The following SPATA13 variants were observed in gnomAD, a reference collection of about 807,000 sequenced individuals.
The protein encoded by SPATA13 is spermatogenesis associated 13.
In SPATA13, 50 loss-of-function variants were observed where a neutral mutation model predicts 104.0. The ratio of observed to expected loss-of-function variants is 0.48; its 90% CI spans 0.38 to 0.61. SPATA13 has a LOEUF of 0.61. Ranked by LOEUF, SPATA13 falls within the 20% of genes least tolerant of loss-of-function variation. SPATA13 has a pLI of 0.00. For synonymous variants in SPATA13, 606 were observed against 667.5 expected (o/e 0.91, Z 1.42); for missense variants, 1,524 against 1,690.6 (o/e 0.90, Z 1.73).
In SPATA13 at chr13:24,223,153, T is replaced by C. The variant is rs1054700526; in HGVS notation, c.224T>C (p.Leu75Pro). ...CTCAGCCCAGCCAAGCTTGTGCGCC[T>C]CTTTTCCACCAGTCGGAAGAGGACG... ...AKLSPAKLVR[L>P]FSTSRKRTGA... The change falls in exon 2 of 13, where the codon CTC becomes CCC. Residue 75 changes from leucine (L) to proline (P), a missense_variant. By Grantham distance (98) the Leu-to-Pro change is moderately conservative. Coordinates refer to ENST00000382108, the MANE Select transcript of SPATA13 (RefSeq NM_001166271.3). 2 of 1,551,584 alleles carry C rather than the reference T, an allele frequency of 1.3e-6. No homozygotes were observed. The highest frequency in any genetic ancestry group is 8.7e-7 in the Non-Finnish European group (1 of 1,147,010).
chr13:24,068,518 G>T (rs1879047855), intron 3 of SPATA13, among the ~76,000 whole-genome samples: 2 of 152,154 alleles, frequency 1.3e-5, no homozygotes, highest in Admixed American at 6.6e-5. Flanking sequence ...TTTGTCAAAT[G>T]ATATTTCTGT....
chr13:24,290,148 A>G (rs1377725438), intron 8 of SPATA13, among the ~76,000 whole-genome samples: 1 of 152,154 alleles, frequency 6.6e-6, no homozygotes, highest in African/African-American at 2.4e-5. Flanking sequence ...TACTGCTGCC[A>G]CCAGGGAAGG....
At chr13:24,224,811 G>T in intron 2 of SPATA13, 1 of 614,592 alleles carries the variant, frequency 1.6e-6, no homozygotes, top group Non-Finnish European at 3.0e-6. Flanking sequence ...TCATTGAGAT[G>T]ACATTTGCCA....
At chr13:24,089,079 A>T (rs1879829476) in intron 3 of SPATA13, among the ~76,000 whole-genome samples, 1 of 152,240 alleles carries the variant, frequency 6.6e-6, no homozygotes, top group South Asian at 2.1e-4. Context: ...CAGTTTTCAT[A>T]GATGAGGACA....
chr13:24,278,579 C>T lies in SPATA13; in HGVS notation c.2165-5556C>T, dbSNP rs1593489685. On this transcript the variant is annotated intron_variant, in intron 4 of 12. Transcript: ENST00000382108. ...AAGCATGAGCTACCACGCCCAGCCA[C>T]ATCTTGCAATTCTATACTGTTTTTC... 5 of 1,369,588 alleles carry T rather than the reference C, an allele frequency of 3.7e-6. No individual in the cohort carries two copies. The South Asian group carries it at 8.4e-5, about 23-fold the overall frequency. 84.8% of individuals were successfully genotyped at this position (1,369,588 alleles called of 1,614,324 possible). A position where few individuals can be genotyped will look rare whatever the true frequency, so the allele number is the denominator to read the frequency against.
chr13:24,114,785 C>T (rs9634393), intron 3 of SPATA13, among the ~76,000 whole-genome samples: 1 of 151,952 alleles, frequency 6.6e-6, no homozygotes, highest in Non-Finnish European at 1.5e-5. Flanking sequence ...GTCTCAGCCT[C>T]CCGAGTAGCT....
At chr13:24,231,251 G>A (rs552378513) in intron 2 of SPATA13, among the ~76,000 whole-genome samples, 4 of 152,128 alleles carry the variant, frequency 2.6e-5, no homozygotes, top group Non-Finnish European at 2.9e-5. Flanking sequence ...GAAGCCTCGC[G>A]CCATTTGCAG....
upstream of SPATA13, among the ~76,000 whole-genome samples, chr13:24,160,176 C>A (rs1239253604): frequency 4.6e-5 from 7 of 152,242 alleles, no homozygotes; most frequent in Non-Finnish European, 7.3e-5. Context: ...GGCACGGTTG[C>A]CCCGGAGATG....
chr13:23,984,544 CTG>C (rs998105888), intron 2 of SPATA13, among the ~76,000 whole-genome samples: 8 of 152,180 alleles, frequency 5.3e-5, no homozygotes, highest in African/African-American at 1.9e-4. Flanking sequence ...GAGCTGTGGT[CTG>C]TGTCATCCTC....
chr13:24,201,443 A>G (rs1002045227), intron 1 of SPATA13, among the ~76,000 whole-genome samples: 35 of 33,648 alleles, frequency 1.0e-3, no homozygotes, highest in Non-Finnish European at 1.3e-3. Flanking sequence ...TTGACATTAG[A>G]GTTCACTCTT....
At chr13:24,125,337 C>G (rs1390824613) in intron 3 of SPATA13, among the ~76,000 whole-genome samples, 1 of 152,132 alleles carries the variant, frequency 6.6e-6, no homozygotes, top group African/African-American at 2.4e-5. Context: ...CCTAATGAGA[C>G]TCACCTTATT....
chr13:24,128,627 C>T (rs1593347905), intron 3 of SPATA13, among the ~76,000 whole-genome samples: 1 of 152,016 alleles, frequency 6.6e-6, no homozygotes, highest in Non-Finnish European at 1.5e-5. Context: ...TTCTAACACT[C>T]CTCGCTGATG....
At chr13:24,045,178 A>G (rs1051074467) in intron 3 of SPATA13, among the ~76,000 whole-genome samples, 1 of 152,194 alleles carries the variant, frequency 6.6e-6, no homozygotes, top group African/African-American at 2.4e-5. Context: ...ATTCTTGGAA[A>G]TTTGTACCTG....
intron 1 of SPATA13, among the ~76,000 whole-genome samples, chr13:24,186,634 A>G (rs188828050): frequency 8.5e-5 from 13 of 152,324 alleles, no homozygotes; most frequent in Non-Finnish European, 1.6e-4. Context: ...TCCCTTTCAG[A>G]GTTTCTTAAC....
intron 4 of SPATA13, among the ~76,000 whole-genome samples, chr13:24,257,353 C>A (rs1873842100): frequency 6.6e-6 from 1 of 152,020 alleles, no homozygotes; most frequent in East Asian, 1.9e-4. Flanking sequence ...TGGGTAGACC[C>A]CTTTCAAAAA....
rs377435847 is a variant in SPATA13 at position 24,008,931 on chromosome 13, C to T, written c.-146-8736C>T. Among the ~76,000 whole-genome samples the T allele has an allele frequency of 6.0e-4, 91 of 152,296 alleles. No homozygotes were observed. In the South Asian group the frequency reaches 0.014, roughly 23 times the overall value. On this transcript the variant is annotated intron_variant, in intron 2 of 14. Transcript: ENST00000424834. ...GAAAGCATAGCTCTGGGACCAAGTG[C>T]GGGAGGTGGGGGCTGCTCTTGCCAA...
intron 2 of SPATA13, among the ~76,000 whole-genome samples, chr13:24,226,230 C>T (rs1349738980): frequency 6.6e-6 from 1 of 152,180 alleles, no homozygotes; most frequent in Admixed American, 6.5e-5. Context: ...TCAGGCTGTC[C>T]CTGGCTTGAA....
At position 24,232,255 on chromosome 13, in the gene SPATA13, C is replaced by T. The variant is rs181359541; in HGVS notation, c.1653+7673C>T. 3.7e-3 allele frequency among the ~76,000 whole-genome samples: 559 copies of T among 152,264 alleles called. 3 individuals carry two copies. The highest frequency in any genetic ancestry group is 5.4e-3 in the Non-Finnish European group (369 of 68,012). ...AACCAGGAGCTTCAGTGTTCCTGGGCAGGAGAAGGTGGATGTCTGCCAGGA... is the reference window on the plus strand; with the variant it reads ...AACCAGGAGCTTCAGTGTTCCTGGGTAGGAGAAGGTGGATGTCTGCCAGGA... On this transcript the variant is annotated intron_variant, in intron 2 of 12. Transcript: ENST00000382108.
intron 3 of SPATA13, among the ~76,000 whole-genome samples, chr13:24,057,450 G>A (rs1470541601): frequency 6.6e-6 from 1 of 152,150 alleles, no homozygotes; most frequent in Non-Finnish European, 1.5e-5. Flanking sequence ...CCTCAGGGAA[G>A]CCAGTGTTGA....
Sources: allele counts gnomAD v4.1 joint callset (sites outside exome capture counted in the v4.1 genomes callset), GRCh38; gene constraint gnomAD v4.1.1; transcripts MANE v1.5; gene names NCBI Gene and HGNC (gene_info 2026-07-23, HGNC 2026-07-21).